ZMYM6: variants seen among roughly 807,000 people sequenced by gnomAD.
The protein encoded by ZMYM6 is zinc finger MYM-type protein 6.
Under a neutral mutation model 134.0 loss-of-function variants are expected in ZMYM6, and 90 were observed. The observed-to-expected ratio is 0.67, with a 90% CI of 0.57 to 0.80. The LOEUF is 0.80. Among genes scored for constraint, ZMYM6 ranks in the 30% least tolerant of loss-of-function variants. The pLI, the probability that ZMYM6 is intolerant of heterozygous loss-of-function variation, is 0.00. For missense variants in ZMYM6, 1,362 were observed against 1,533.9 expected (o/e 0.89, Z 1.87); for synonymous variants, 481 against 524.1 (o/e 0.92, Z 1.12).
chr1:34,996,771 G>A (rs1209971073), intron 14 of ZMYM6, among the ~76,000 whole-genome samples: 1 of 152,184 alleles, frequency 6.6e-6, no homozygotes, highest in African/African-American at 2.4e-5. Context: ...AGGCCACTGT[G>A]TATGCCTGCA....
At position 35,010,897 on chromosome 1, in the gene ZMYM6, A is replaced by G; in HGVS notation, c.1202T>C (p.Ile401Thr). Residue 401 changes from isoleucine (I) to threonine (T), a missense_variant, in exon 9 of 16, where the codon ATC (isoleucine) becomes ACC (threonine). Around this residue, in one of 3 missense-constraint regions of ZMYM6, gnomAD observed 503 missense variants for 520.8 expected, o/e 0.97. Coordinates refer to ENST00000357182, the MANE Select transcript of ZMYM6 (RefSeq NM_007167.4). ...GNTSAVSPSS[I>T]RGSAAASLQP... The stretch of plus-strand genomic sequence containing the variant: ...GAGGCTGGCTGCAGCAGAGCCACGG[A>G]TGGAGCTGGGGGAAACGGCAGAGGT... 1 of 1,613,980 alleles carries G rather than the reference A, an allele frequency of 6.2e-7. No homozygotes were observed. Among genetic ancestry groups the G allele is most frequent in the African/African-American group, 1.3e-5 (1 of 75,048 alleles).
intron 4 of ZMYM6, chr1:35,018,707 G>A (rs1641249946): frequency 6.6e-6 from 1 of 152,296 alleles, no homozygotes; most frequent in Admixed American, 6.5e-5. Flanking sequence ...AAATGACAGA[G>A]CCACAATTTA....
At position 34,987,259 on chromosome 1, in the gene ZMYM6, A is replaced by C; in HGVS notation, c.3823T>G (p.Leu1275Val). Residue 1275 changes from leucine to valine, a missense_variant, in exon 16 of 16, where the codon TTA becomes GTA. Transcript: ENST00000357182. ...AAATAAACAGTTGAAAAGGGTAATAAAAATTTCATTGCCCTTTCATGGAGT... is the reference window on the plus strand; with the variant it reads ...AAATAAACAGTTGAAAAGGGTAATACAAATTTCATTGCCCTTTCATGGAGT... ...PELHERAMKF[L>V]LPFSTVYLCD... The C allele has an allele frequency of 1.9e-6, 3 of 1,613,444 alleles. No homozygotes were observed. The highest frequency in any genetic ancestry group is 2.5e-6 in the Non-Finnish European group (3 of 1,179,846).
chr1:35,014,678 A>G lies in ZMYM6; in HGVS notation c.795+19T>C, dbSNP rs1435186354. ...AGAAGGAGTGGGCCTAAGTACATGC[A>G]ACAAATAGATATTCATACCTGCTTG... is the stretch of plus-strand genomic sequence containing the variant. On this transcript the variant is annotated intron_variant, in intron 6 of 15. Coordinates refer to ENST00000357182, the MANE Select transcript of ZMYM6 (RefSeq NM_007167.4). The G allele has an allele frequency of 6.2e-7, 1 of 1,607,944 alleles. No individual in the cohort carries two copies. The highest frequency in any genetic ancestry group is 8.5e-7 in the Non-Finnish European group (1 of 1,176,840).
intron 8 of ZMYM6, 119 bp from the exon 9 acceptor site, chr1:35,011,155 T>A: frequency 9.1e-7 from 1 of 1,094,666 alleles, no homozygotes; most frequent in Non-Finnish European, 1.3e-6. Flanking sequence ...AAATTTTCTA[T>A]CTCACAGAAA....
rs1281599675 is a variant in ZMYM6 at position 34,992,766 on chromosome 1, AC to A, written c.1993-380del. On this transcript the variant is annotated intron_variant, in intron 14 of 15. Transcript: ENST00000357182. ...TATAAATATAAAAATATACTTATAA[AC>A]TATAAATATAAAAATATACTTATAA... Among the ~76,000 whole-genome samples the A allele has an allele frequency of 5.3e-4, 75 of 141,862 alleles. 1 individual carries two copies. The highest frequency in any genetic ancestry group is 1.5e-3 in the African/African-American group (57 of 37,282). 93.1% of individuals were successfully genotyped at this position (141,862 alleles called of 152,430 possible).
chr1:35,016,192 G>A (rs888896997), intron 4 of ZMYM6, among the ~76,000 whole-genome samples: 5 of 152,182 alleles, frequency 3.3e-5, no homozygotes, highest in Non-Finnish European at 5.9e-5. Context: ...CTCGCGATCC[G>A]CCTGCGTCAG....
chr1:35,010,165 A>G (rs574643803), intron 10 of ZMYM6, among the ~76,000 whole-genome samples: 10 of 152,140 alleles, frequency 6.6e-5, no homozygotes, highest in African/African-American at 1.9e-4. Context: ...GTGCGGCACC[A>G]TGCCCGGCTA....
At chr1:35,030,947 C>T (rs1414963799) in intron 1 of ZMYM6, among the ~76,000 whole-genome samples, 1 of 152,196 alleles carries the variant, frequency 6.6e-6, no homozygotes, top group Non-Finnish European at 1.5e-5. Context: ...ACACAACACA[C>T]TCTGGTTTTT....
intron 2 of ZMYM6, chr1:35,030,271 A>C (rs1358526824): frequency 2.4e-5 from 7 of 285,910 alleles, no homozygotes; most frequent in Non-Finnish European, 4.5e-5. Flanking sequence ...CTCTACCAAA[A>C]ATACAAAAAA....
rs1641535377 is a variant in ZMYM6, at chr1:35,031,900, A to T, written c.-160T>A. On this transcript the variant is annotated 5_prime_UTR_variant, in exon 1 of 16. Coordinates refer to ENST00000357182, the MANE Select transcript of ZMYM6 (RefSeq NM_007167.4). ...AGACAGGGATTATTTTCTCTTCTGG[A>T]ATTCCGCCTGATCCATCCCAACGCA... is the stretch of plus-strand genomic sequence containing the variant. 6.6e-6 allele frequency: 1 copy of T among 152,312 alleles called. No homozygotes were observed. The highest frequency in any genetic ancestry group is 1.5e-5 in the Non-Finnish European group (1 of 68,152). The allele number at this position is 152,312 out of a possible 1,614,324, so 9.4% of individuals were successfully genotyped here.
intron 2 of ZMYM6, among the ~76,000 whole-genome samples, chr1:35,025,149 G>A (rs2148461519): frequency 6.6e-6 from 1 of 151,204 alleles, no homozygotes; most frequent in Non-Finnish European, 1.5e-5. Context: ...GGGATTACAG[G>A]TATGAGCCAC....
chr1:34,992,719 AAAT>A (rs1485203882), intron 14 of ZMYM6, among the ~76,000 whole-genome samples: 1 of 140,808 alleles, frequency 7.1e-6, no homozygotes, highest in Non-Finnish European at 1.5e-5. Context: ...TAAACTATAA[AAAT>A]AAAAATATAC....
intron 15 of ZMYM6, among the ~76,000 whole-genome samples, chr1:34,990,999 G>A (rs1359085472): frequency 6.6e-6 from 1 of 152,110 alleles, no homozygotes; most frequent in Non-Finnish European, 1.5e-5. Flanking sequence ...TGAGTGGCTG[G>A]GATTACAGTC....
In ZMYM6 at chr1:35,015,740, A is replaced by AAAAAAT. The variant is rs1641172059; in HGVS notation, c.429-579_429-578insATTTTT. On this transcript the variant is annotated intron_variant, in intron 4 of 15. Transcript: ENST00000357182. ...CTCCATCTCAAAAAAAAAAAAAAAA[A>AAAAAAT]AAAATATATATATATATATATGTGG... 2.2e-5 allele frequency among the ~76,000 whole-genome samples: 3 copies of AAAAAAT among 134,258 alleles called. 1 individual carries two copies. The highest frequency in any genetic ancestry group is 1.0e-4 in the African/African-American group (3 of 28,950). The allele number at this position is 134,258 out of a possible 152,430, so 88.1% of individuals were successfully genotyped here. A position where few individuals can be genotyped will look rare whatever the true frequency, so the allele number is the denominator to read the frequency against.
intron 14 of ZMYM6, among the ~76,000 whole-genome samples, chr1:34,997,750 A>G (rs1330176806): frequency 6.6e-6 from 1 of 152,154 alleles, no homozygotes; most frequent in African/African-American, 2.4e-5. Flanking sequence ...GTTTTGTGAC[A>G]TATTTAGAAA....
chr1:34,997,908 G>A (rs1489082053), intron 14 of ZMYM6, among the ~76,000 whole-genome samples: 1 of 152,096 alleles, frequency 6.6e-6, no homozygotes, highest in Admixed American at 6.5e-5. Flanking sequence ...AGTTGTCACA[G>A]CATTATTTAT....
At chr1:35,028,921 T>C (rs1319007428) in intron 2 of ZMYM6, among the ~76,000 whole-genome samples, 1 of 151,962 alleles carries the variant, frequency 6.6e-6, no homozygotes, top group African/African-American at 2.4e-5. Context: ...CCAGGTGTGG[T>C]GGCTCACGCC....
At chr1:35,023,032 T>C (rs1180885389) in intron 2 of ZMYM6, among the ~76,000 whole-genome samples, 6 of 152,068 alleles carry the variant, frequency 3.9e-5, no homozygotes, top group African/African-American at 1.4e-4. Flanking sequence ...GCAAATGACT[T>C]AATATAAATA....
Sources: allele counts gnomAD v4.1 joint callset (sites outside exome capture counted in the v4.1 genomes callset), GRCh38; gene constraint gnomAD v4.1.1; regional missense constraint gnomAD v4.1.1; transcripts MANE v1.5; gene names NCBI Gene and HGNC (gene_info 2026-07-23, HGNC 2026-07-21).